GABRA5: variants seen among roughly 807,000 people sequenced by gnomAD.
GABRA5 encodes gamma-aminobutyric acid type A receptor subunit alpha5, also known as gamma-aminobutyric acid receptor subunit alpha-5.
In GABRA5, 18 loss-of-function variants were observed where a neutral mutation model predicts 47.3. The observed-to-expected ratio is 0.38, with a 90% CI of 0.26 to 0.56. GABRA5 has a LOEUF of 0.56. Ranked by LOEUF, GABRA5 falls within the 20% of genes least tolerant of loss-of-function variation. GABRA5 has a pLI of 0.71. For synonymous variants in GABRA5, 237 were observed against 229.3 expected (o/e 1.03, Z -0.30); for missense variants, 365 against 599.3 (o/e 0.61, Z 4.08).
intron 6 of GABRA5, among the ~76,000 whole-genome samples, chr15:26,899,767 C>CT (rs1384410598): frequency 6.6e-6 from 1 of 152,012 alleles, no homozygotes; most frequent in East Asian, 1.9e-4. Context: ...TCACTTTTGA[C>CT]TTTTTTATGG....
At chr15:26,895,812 C>CAAAAAA (rs376170037) in intron 6 of GABRA5, among the ~76,000 whole-genome samples, 67 of 123,262 alleles carry the variant, frequency 5.4e-4, no homozygotes, top group African/African-American at 2.1e-3. Context: ...AAGACTCCGT[C>CAAAAAA]AAAAAAAAAA....
At chr15:26,903,464 A>G (rs1450286017) in intron 6 of GABRA5, among the ~76,000 whole-genome samples, 1 of 152,110 alleles carries the variant, frequency 6.6e-6, no homozygotes, top group African/African-American at 2.4e-5. Context: ...TCCTCTGAGT[A>G]TATACTCAGT....
chr15:26,880,762 G>A (rs759931432), intron 3 of GABRA5, 84 bp from the exon 4 acceptor site: 24 of 1,442,262 alleles, frequency 1.7e-5, no homozygotes, highest in Admixed American at 9.2e-5. Flanking sequence ...AAGCCTCCAC[G>A]TGACTCCCTG....
chr15:26,869,061 GA>G, intron 2 of GABRA5, 113 bp from the exon 3 acceptor site: 1 of 563,102 alleles, frequency 1.8e-6, no homozygotes, highest in Non-Finnish European at 3.2e-6. Context: ...CCTGGGGAAG[GA>G]CAGCGGGCTC....
chr15:26,879,914 C>A (rs528768141), intron 3 of GABRA5, among the ~76,000 whole-genome samples: 3 of 152,136 alleles, frequency 2.0e-5, no homozygotes, highest in Non-Finnish European at 2.9e-5. Context: ...TTGGTAAGTC[C>A]CCTTGAAGCC....
At chr15:26,896,616 T>C (rs1283317262) in intron 6 of GABRA5, among the ~76,000 whole-genome samples, 2 of 152,196 alleles carry the variant, frequency 1.3e-5, no homozygotes, top group Non-Finnish European at 2.9e-5. Flanking sequence ...AATTTATTAT[T>C]TCAATTTATA....
intron 6 of GABRA5, among the ~76,000 whole-genome samples, chr15:26,885,156 G>A (rs574507809): frequency 2.0e-5 from 3 of 152,034 alleles, no homozygotes; most frequent in South Asian, 4.2e-4. Context: ...AAAATTAGCC[G>A]GGCGTGGTGG....
chr15:26,932,669 A>G (rs1187455732), intron 7 of GABRA5, among the ~76,000 whole-genome samples: 2 of 152,226 alleles, frequency 1.3e-5, no homozygotes, highest in Non-Finnish European at 2.9e-5. Flanking sequence ...ATGCACGCAT[A>G]TGTTCATTGC....
chr15:26,895,812 C>CAAAAAAAAAAAAAAAAAA (rs376170037), intron 6 of GABRA5, among the ~76,000 whole-genome samples: 3 of 123,278 alleles, frequency 2.4e-5, no homozygotes, highest in African/African-American at 1.1e-4. Flanking sequence ...AAGACTCCGT[C>CAAAAAAAAAAAAAAAAAA]AAAAAAAAAA....
chr15:26,905,565 T>A (rs184507302), intron 6 of GABRA5, among the ~76,000 whole-genome samples: 26 of 152,186 alleles, frequency 1.7e-4, no homozygotes, highest in Admixed American at 1.7e-3. Flanking sequence ...AAATATTCTT[T>A]CTGTCCCTTT....
chr15:26,935,743 G>A (rs908306122), intron 7 of GABRA5, among the ~76,000 whole-genome samples: 2 of 152,152 alleles, frequency 1.3e-5, no homozygotes, highest in Non-Finnish European at 2.9e-5. Context: ...ACCTCTACAA[G>A]TCCCAGAGGA....
intron 3 of GABRA5, among the ~76,000 whole-genome samples, chr15:26,871,166 C>T (rs1892462914): frequency 6.6e-6 from 1 of 152,140 alleles, no homozygotes; most frequent in African/African-American, 2.4e-5. Flanking sequence ...TGCACTCCAG[C>T]TTGGGCGACA....
chr15:26,931,387 C>T (rs1894104883), intron 7 of GABRA5, among the ~76,000 whole-genome samples: 1 of 152,148 alleles, frequency 6.6e-6, no homozygotes, highest in Non-Finnish European at 1.5e-5. Flanking sequence ...TCATTGTGCC[C>T]TCACATGGTG....
Position 26,883,627 on chromosome 15 carries a change from C to A in GABRA5, c.497+70C>A. 2 of 1,235,566 alleles carry A rather than the reference C, an allele frequency of 1.6e-6. No individual in the cohort carries two copies. The highest frequency in any genetic ancestry group is 2.2e-6 in the Non-Finnish European group (2 of 908,968). The allele number at this position is 1,235,566 out of a possible 1,614,324, so 76.5% of individuals were successfully genotyped here. A position where few individuals can be genotyped will look rare whatever the true frequency, so the allele number is the denominator to read the frequency against. On this transcript the variant is annotated intron_variant, in intron 6 of 10. Transcript: ENST00000335625. This position sits in a 1 kb window ranked among gnomAD's most constrained non-coding sequence, Gnocchi z 4.8. ...GCAGGCGCGGCTGCCCATCCTGCCG[C>A]AAGAGCTGCGCCGCGGAGCTGTTCT...
chr15:26,924,158 CT>C (rs536989357), intron 7 of GABRA5, among the ~76,000 whole-genome samples: 42,072 of 123,474 alleles, frequency 0.34, 6,411 homozygotes, highest in South Asian at 0.44. Flanking sequence ...TAATACAAGG[CT>C]TTTTTTTTTT....
At chr15:26,909,642 C>T (rs1357163151) in intron 6 of GABRA5, among the ~76,000 whole-genome samples, 1 of 152,170 alleles carries the variant, frequency 6.6e-6, no homozygotes, top group Non-Finnish European at 1.5e-5. Flanking sequence ...CCACTTTGCA[C>T]CGACCTCTGC....
intron 6 of GABRA5, among the ~76,000 whole-genome samples, chr15:26,887,169 G>A (rs115565876): frequency 0.011 from 1,663 of 152,238 alleles, 39 homozygotes; most frequent in African/African-American, 0.038. Context: ...GCACAAAGGT[G>A]TCTATTATAT....
At chr15:26,937,094 C>A in intron 7 of GABRA5, 91 bp from the exon 8 acceptor site, 2 of 1,479,198 alleles carry the variant, frequency 1.4e-6, no homozygotes, top group Non-Finnish European at 1.9e-6. Context: ...CGTTCTCATC[C>A]TCTCTCTTGC....
At chr15:26,889,699 T>C (rs576585104) in intron 6 of GABRA5, among the ~76,000 whole-genome samples, 1 of 152,360 alleles carries the variant, frequency 6.6e-6, no homozygotes, top group East Asian at 1.9e-4. Context: ...ACCAGATGTA[T>C]TGGCTGACTT....
Sources: gnomAD v4.1 joint callset for allele counts (sites outside exome capture counted in the v4.1 genomes callset) on GRCh38, gnomAD v4.1.1 for gene constraint, Gnocchi (gnomAD v3.1) non-coding constraint, MANE v1.5 for transcripts, NCBI Gene and HGNC (gene_info 2026-07-23, HGNC 2026-07-21) for gene names.